The following POLN variants were observed in gnomAD, a reference collection of about 807,000 sequenced individuals.
The protein encoded by POLN is DNA polymerase N.
POLN carries 108 observed loss-of-function variants against 113.5 expected under a neutral mutation model. The observed-to-expected ratio is 0.95, with a 90% CI of 0.81 to 1.12. The LOEUF (loss-of-function observed/expected upper bound fraction) is 1.12, where lower values mean the gene tolerates loss of function less well. Ranked by LOEUF, POLN falls within the 50% of genes most tolerant of loss-of-function variation. The pLI is 0.00. For synonymous variants in POLN, 386 were observed against 391.5 expected (o/e 0.99, Z 0.17); for missense variants, 1,097 against 1,077.1 (o/e 1.02, Z -0.26).
chr4:2,186,490 G>C (rs1733276608), intron 7 of POLN, among the ~76,000 whole-genome samples: 1 of 152,132 alleles, frequency 6.6e-6, no homozygotes, highest in Non-Finnish European at 1.5e-5. Context: ...TCCTCATCAG[G>C]GATGGGGAGC....
chr4:2,075,611 G>A, intron 23 of POLN, 92 bp from the exon 24 acceptor site: 1 of 1,392,396 alleles, frequency 7.2e-7, no homozygotes, highest in Non-Finnish European at 1.0e-6. Flanking sequence ...AACCTGGGAG[G>A]CCAGGACTGT....
At chr4:2,094,363 CAA>C (rs57646944) in intron 20 of POLN, among the ~76,000 whole-genome samples, 1 of 53,364 alleles carries the variant, frequency 1.9e-5, no homozygotes, top group Non-Finnish European at 3.1e-5. Context: ...GTTCTGTCTC[CAA>C]AAAAAAAAAA....
chr4:2,187,469 C>T (rs1577753142), intron 7 of POLN, among the ~76,000 whole-genome samples: 1 of 152,244 alleles, frequency 6.6e-6, no homozygotes, highest in East Asian at 1.9e-4. Flanking sequence ...GTCTCGAACT[C>T]CTGACCTCAA....
intron 19 of POLN, among the ~76,000 whole-genome samples, chr4:2,103,615 G>A (rs1038425415): frequency 5.3e-5 from 8 of 152,090 alleles, no homozygotes; most frequent in African/African-American, 7.2e-5. Context: ...CAATCCCCGG[G>A]AAAATACAAT....
At chr4:2,236,596 C>A (rs554705755) in intron 2 of POLN, 1 of 634,778 alleles carries the variant, frequency 1.6e-6, no homozygotes, top group Non-Finnish European at 2.7e-6. Flanking sequence ...CAGTAGCTCA[C>A]GCCTGTAATC....
At chr4:2,179,006 G>C (rs150351281) in intron 8 of POLN, among the ~76,000 whole-genome samples, 1 of 152,130 alleles carries the variant, frequency 6.6e-6, no homozygotes, top group South Asian at 2.1e-4. Flanking sequence ...CCAGCCCTAA[G>C]GATTTATCAA....
chr4:2,209,740 C>T (rs777933433), intron 4 of POLN, among the ~76,000 whole-genome samples: 2 of 141,334 alleles, frequency 1.4e-5, no homozygotes, highest in Non-Finnish European at 3.0e-5. Context: ...CAGCTCACTG[C>T]AACTTCCATG....
chr4:2,242,012 C>T (rs565877966), intron 1 of POLN, 39 bp downstream of exon 1: 87 of 985,518 alleles, frequency 8.8e-5, no homozygotes, highest in Non-Finnish European at 1.0e-4. Flanking sequence ...CCTCCAGCCC[C>T]ACACCCCTGC....
In POLN at chr4:2,231,825, T is replaced by C. The variant is rs1734588605; in HGVS notation, c.-12-2582A>G. 4 of 618,572 alleles carry C rather than the reference T, an allele frequency of 6.5e-6. No individual in the cohort carries two copies. The East Asian group carries it at 1.2e-4, about 19-fold the overall frequency. 38.3% of individuals were successfully genotyped at this position (618,572 alleles called of 1,614,324 possible). A position where few individuals can be genotyped will look rare whatever the true frequency, so the allele number is the denominator to read the frequency against. On this transcript the variant is annotated intron_variant, in intron 2 of 25. Transcript: ENST00000511885. Reference sequence around the variant, plus strand: ...ATAGTTCAATTCATCAAATTAAATGTTCCATTGACCTCAAATTTTAAAAAT... The same window carrying C: ...ATAGTTCAATTCATCAAATTAAATGCTCCATTGACCTCAAATTTTAAAAAT...
chr4:2,105,667 C>T (rs187445879), intron 19 of POLN, among the ~76,000 whole-genome samples: 8 of 152,068 alleles, frequency 5.3e-5, no homozygotes, highest in Admixed American at 2.6e-4. Flanking sequence ...AGAGGGGGAG[C>T]TGAAAGTAGG....
intron 16 of POLN, among the ~76,000 whole-genome samples, chr4:2,134,031 C>T (rs1731792806): frequency 6.6e-6 from 1 of 152,186 alleles, no homozygotes; most frequent in African/African-American, 2.4e-5. Context: ...CAGCTCTGAA[C>T]TTTTGGAAAC....
chr4:2,169,772 C>G (rs1304599610), intron 13 of POLN, among the ~76,000 whole-genome samples: 1 of 152,212 alleles, frequency 6.6e-6, no homozygotes, highest in Admixed American at 6.5e-5. Context: ...TCCCAAGGAC[C>G]TGGAAGGAGG....
At position 2,195,587 on chromosome 4, in the gene POLN, G is replaced by A. The variant is rs562312998; in HGVS notation, c.909-2271C>T. 2.0e-5 allele frequency among the ~76,000 whole-genome samples: 3 copies of A among 151,396 alleles called. No individual in the cohort carries two copies. In the South Asian group the frequency reaches 6.3e-4, roughly 32 times the overall value. Reference sequence around the variant, plus strand: ...CAGGCTCAAACTGCTGGACCCAAGCGATCCTCCAACATCAGCCTCTAGAGT... The same window carrying A: ...CAGGCTCAAACTGCTGGACCCAAGCAATCCTCCAACATCAGCCTCTAGAGT... On this transcript the variant is annotated intron_variant, in intron 6 of 25. Coordinates refer to ENST00000511885, the MANE Select transcript of POLN (RefSeq NM_181808.4).
At chr4:2,217,092 A>G (rs905582858) in intron 3 of POLN, among the ~76,000 whole-genome samples, 2 of 152,174 alleles carry the variant, frequency 1.3e-5, no homozygotes, top group Non-Finnish European at 2.9e-5. Context: ...ATCCCTCCAC[A>G]TGCCTTACTC....
chr4:2,097,517 A>G (rs372162897), intron 19 of POLN, among the ~76,000 whole-genome samples: 5 of 152,074 alleles, frequency 3.3e-5, no homozygotes, highest in East Asian at 1.9e-4. Context: ...TGCCCAGCTA[A>G]TTTTTGTATT....
At position 2,088,905 on chromosome 4, in the gene POLN, G is replaced by T. The variant is rs1019558885; in HGVS notation, c.2066-3161C>A. Reference sequence around the variant, plus strand: ...TTGCAGCTTTTTAGTGGGTAACGAAGACACAGTGTTGAGGCAAAAGCTGAA... The same window carrying T: ...TTGCAGCTTTTTAGTGGGTAACGAATACACAGTGTTGAGGCAAAAGCTGAA... On this transcript the variant is annotated intron_variant, in intron 20 of 25. Coordinates refer to ENST00000511885, the MANE Select transcript of POLN (RefSeq NM_181808.4). 6 of 1,334,404 alleles carry T rather than the reference G, an allele frequency of 4.5e-6. No individual in the cohort carries two copies. The African/African-American group carries it at 5.9e-5, about 13-fold the overall frequency. 82.7% of individuals were successfully genotyped at this position (1,334,404 alleles called of 1,614,324 possible).
chr4:2,084,874 A>G (rs993925737), intron 21 of POLN, among the ~76,000 whole-genome samples: 1 of 152,154 alleles, frequency 6.6e-6, no homozygotes, highest in Non-Finnish European at 1.5e-5. Flanking sequence ...GATTTCATTA[A>G]TTTCTGCTCT....
chr4:2,117,965 T>C (rs931393829), intron 19 of POLN, among the ~76,000 whole-genome samples: 1 of 152,220 alleles, frequency 6.6e-6, no homozygotes, highest in African/African-American at 2.4e-5. Context: ...ATCAGTCCCT[T>C]TGAGCCCAGA....
At chr4:2,157,722 CAAAAAAAAAAAA>C (rs71644319) in intron 15 of POLN, 124 bp downstream of exon 15, 9 of 134,686 alleles carry the variant, frequency 6.7e-5, no homozygotes, top group South Asian at 9.6e-5. Context: ...GACTCTGTCT[CAAAAAAAAAAAA>C]AAAAAAAAAA....
Sources: allele counts gnomAD v4.1 joint callset (sites outside exome capture counted in the v4.1 genomes callset), GRCh38; gene constraint gnomAD v4.1.1; transcripts MANE v1.5; gene names NCBI Gene and HGNC (gene_info 2026-07-23, HGNC 2026-07-21).